OTOGL: variants seen among roughly 807,000 people sequenced by gnomAD.
The protein encoded by OTOGL is otogelin like, also known as otogelin-like protein.
A neutral mutation model predicts 318.5 loss-of-function variants in OTOGL; 285 were observed. The observed-to-expected ratio is 0.89, with a 90% CI of 0.81 to 0.99. The LOEUF is 0.99. Among genes scored for constraint, OTOGL ranks in the 50% least tolerant of loss-of-function variants. The pLI, the probability that OTOGL is intolerant of heterozygous loss-of-function variation, is 0.00. For synonymous variants in OTOGL, 987 were observed against 936.5 expected (o/e 1.05, Z -0.99); for missense variants, 2,899 against 2,845.6 (o/e 1.02, Z -0.43).
At chr12:80,211,695 C>T (rs1877267977) in intron 3 of OTOGL, among the ~76,000 whole-genome samples, 1 of 152,142 alleles carries the variant, frequency 6.6e-6, no homozygotes, top group Non-Finnish European at 1.5e-5. Context: ...AAAGTTCCTT[C>T]CTAATATTCA....
At chr12:80,222,012 C>T in intron 6 of OTOGL, 79 bp from the exon 7 acceptor site, 1 of 1,405,050 alleles carries the variant, frequency 7.1e-7, no homozygotes, top group African/African-American at 1.4e-5. Context: ...AAATTAGAAT[C>T]ATTTACCATG....
At chr12:80,193,519 G>GTAATAA (rs146790597) in intron 1 of OTOGL, among the ~76,000 whole-genome samples, 23 of 151,194 alleles carry the variant, frequency 1.5e-4, no homozygotes, top group Admixed American at 4.0e-4. Flanking sequence ...TCATCTAAAA[G>GTAATAA]TAATAATAAT....
intron 57 of OTOGL, among the ~76,000 whole-genome samples, chr12:80,373,229 C>T (rs1319490494): frequency 2.6e-5 from 4 of 151,978 alleles, no homozygotes; most frequent in East Asian, 3.9e-4. Context: ...GTCAGAAGAT[C>T]GAGACCATCC....
Position 80,229,884 on chromosome 12 carries a change from C to T in OTOGL, c.611+506C>T, listed in dbSNP as rs145404611. ...GTTCTGACAGACTGAGAGCCAACAA[C>T]TGCCTGGCCTCGAATAGATCAGAGA... On this transcript the variant is annotated intron_variant, in intron 8 of 58. Transcript: ENST00000547103. 4.4e-3 allele frequency among the ~76,000 whole-genome samples: 667 copies of T among 152,240 alleles called. 6 individuals carry two copies. Among genetic ancestry groups the T allele is most frequent in the African/African-American group, 0.015 (642 of 41,556 alleles).
In OTOGL at chr12:80,278,878, A is replaced by G. The variant is rs988069828; in HGVS notation, c.2790-150A>G. 3.0e-5 allele frequency: 26 copies of G among 872,772 alleles called. No homozygotes were observed. The East Asian group carries it at 4.8e-4, about 16-fold the overall frequency. 54.1% of individuals were successfully genotyped at this position (872,772 alleles called of 1,614,324 possible). A position where few individuals can be genotyped will look rare whatever the true frequency, so the allele number is the denominator to read the frequency against. ...AAACGTATGCCTAATTTGTCAATGT[A>G]ATAGGTGGTATCAGAATGAACTGGC... On this transcript the variant is annotated intron_variant, in intron 25 of 58. Coordinates refer to ENST00000547103, the MANE Select transcript of OTOGL (RefSeq NM_001378609.3).
At chr12:80,224,128 T>G (rs936242343) in intron 7 of OTOGL, among the ~76,000 whole-genome samples, 1 of 152,216 alleles carries the variant, frequency 6.6e-6, no homozygotes, top group Non-Finnish European at 1.5e-5. Flanking sequence ...GAGGATCCAG[T>G]TTCATTCTTC....
intron 16 of OTOGL, among the ~76,000 whole-genome samples, chr12:80,255,525 T>C (rs991238033): frequency 3.3e-5 from 5 of 152,018 alleles, no homozygotes; most frequent in African/African-American, 1.2e-4. Context: ...CGTATAGTTT[T>C]TTGAACATTT....
intron 24 of OTOGL, among the ~76,000 whole-genome samples, chr12:80,275,293 C>T (rs774441627): frequency 4.2e-4 from 64 of 151,936 alleles, no homozygotes; most frequent in South Asian, 6.2e-4. Context: ...CTAACCCTCA[C>T]GGATAACTTT....
chr12:80,173,982 C>T (rs756260714), intron 1 of OTOGL, among the ~76,000 whole-genome samples: 8 of 152,144 alleles, frequency 5.3e-5, no homozygotes, highest in Admixed American at 2.0e-4. Flanking sequence ...TTTAAGAAAA[C>T]ATTGAGAAAG....
rs34435931 is a variant in OTOGL at position 80,264,792 on chromosome 12, A to AT, written c.2015-201dup. On this transcript the variant is annotated intron_variant, in intron 19 of 58. Transcript: ENST00000547103. ...TCATGTTATTCAGGTACAATACACT[A>AT]TTTTTTTTCCTAAAAGTCTGTTGAA... 0.33 allele frequency among the ~76,000 whole-genome samples: 50,588 copies of AT among 151,720 alleles called. 10,047 individuals carry two copies. Among genetic ancestry groups the AT allele is most frequent in the South Asian group, 0.48 (2,291 of 4,794 alleles).
At chr12:80,253,184 A>C (rs970110198) in intron 13 of OTOGL, among the ~76,000 whole-genome samples, 2 of 151,996 alleles carry the variant, frequency 1.3e-5, no homozygotes, top group Non-Finnish European at 2.9e-5. Context: ...TCCTCCCTCA[A>C]ATGCAAGGAA....
At chr12:80,360,261 T>C (rs916930343) in intron 52 of OTOGL, among the ~76,000 whole-genome samples, 2 of 151,956 alleles carry the variant, frequency 1.3e-5, no homozygotes, top group South Asian at 4.2e-4. Context: ...AATTTCTTAA[T>C]TTTTTTTCCC....
intron 1 of OTOGL, among the ~76,000 whole-genome samples, chr12:80,170,732 C>A (rs894397204): frequency 6.6e-6 from 1 of 152,074 alleles, no homozygotes; most frequent in Admixed American, 6.5e-5. Flanking sequence ...CTGTGCCCAG[C>A]CTTCTTTTCT....
intron 23 of OTOGL, among the ~76,000 whole-genome samples, 184 bp from the exon 24 acceptor site, chr12:80,271,464 A>G (rs1883401139): frequency 6.6e-6 from 1 of 152,108 alleles, no homozygotes; most frequent in Non-Finnish European, 1.5e-5. Flanking sequence ...ATGAATTAAT[A>G]AAAATATCTT....
chr12:80,276,312 C>A (rs1008603137), intron 24 of OTOGL, among the ~76,000 whole-genome samples: 1 of 151,708 alleles, frequency 6.6e-6, no homozygotes, highest in Non-Finnish European at 1.5e-5. Flanking sequence ...ATAGAATCTA[C>A]CTTAGGGGAC....
At chr12:80,235,228 G>T (rs1214033971) in intron 9 of OTOGL, among the ~76,000 whole-genome samples, 1 of 152,048 alleles carries the variant, frequency 6.6e-6, no homozygotes, top group Non-Finnish European at 1.5e-5. Context: ...ACTTTGGAAG[G>T]CCGAGGCAGG....
intron 1 of OTOGL, chr12:80,103,022 C>T (rs773669458): frequency 7.8e-6 from 8 of 1,026,188 alleles, no homozygotes; most frequent in Non-Finnish European, 1.1e-5. Flanking sequence ...TAGTGATAAC[C>T]ACCTTGCTGG....
At chr12:80,368,351 G>A (rs1007159875) in intron 55 of OTOGL, 42 bp downstream of exon 55, 2 of 1,471,034 alleles carry the variant, frequency 1.4e-6, no homozygotes, top group South Asian at 2.4e-5. Context: ...ATTTTCTGAA[G>A]GAGGAGTTCT....
intron 1 of OTOGL, among the ~76,000 whole-genome samples, chr12:80,155,246 A>G (rs942864752): frequency 4.6e-5 from 7 of 152,208 alleles, no homozygotes; most frequent in Non-Finnish European, 7.4e-5. Context: ...CATTCTCTTT[A>G]CCTTGTCTTT....
Sources: allele counts gnomAD v4.1 joint callset (sites outside exome capture counted in the v4.1 genomes callset), GRCh38; gene constraint gnomAD v4.1.1; transcripts MANE v1.5; gene names NCBI Gene and HGNC (gene_info 2026-07-23, HGNC 2026-07-21).